Variants in PALLD observed in about 807,000 individuals in gnomAD.
PALLD encodes the protein palladin.
In PALLD, 61 loss-of-function variants were observed where a neutral mutation model predicts 123.5. That is an observed-to-expected ratio of 0.49 (90% confidence interval 0.40 to 0.61). The LOEUF (loss-of-function observed/expected upper bound fraction) is 0.61. Among genes scored for constraint, PALLD ranks in the 20% least tolerant of loss-of-function variants. The probability of loss-of-function intolerance (pLI) is 0.00; values close to 1 mark genes in which losing one functional copy is unlikely to be tolerated. For missense variants in PALLD, 1,273 were observed against 1,377.0 expected (o/e 0.92, Z 1.20); for synonymous variants, 465 against 496.4 (o/e 0.94, Z 0.84).
chr4:168,679,290 T>TATG (rs1781266360), intron 3 of PALLD, among the ~76,000 whole-genome samples: 3 of 44,630 alleles, frequency 6.7e-5, no homozygotes, highest in Non-Finnish European at 1.2e-4. Context: ...TGAGTATGGA[T>TATG]GTGTGTGGGG....
intron 14 of PALLD, among the ~76,000 whole-genome samples, chr4:168,900,084 G>A (rs530126266): frequency 1.2e-4 from 18 of 152,294 alleles, no homozygotes; most frequent in Non-Finnish European, 4.4e-5. Context: ...AGGAGCAACA[G>A]AGAGAAGTGG....
At chr4:168,558,148 C>T (rs193171244) in intron 2 of PALLD, among the ~76,000 whole-genome samples, 22 of 152,200 alleles carry the variant, frequency 1.4e-4, no homozygotes, top group African/African-American at 4.8e-4. Context: ...ACCTCTCACC[C>T]CTACGGGCTA....
At chr4:168,850,960 TGGG>T (rs1747686501) in intron 10 of PALLD, among the ~76,000 whole-genome samples, 2 of 152,308 alleles carry the variant, frequency 1.3e-5, no homozygotes, top group Non-Finnish European at 2.9e-5. Context: ...TGGCATTCCA[TGGG>T]CAGGCAAGAA....
At chr4:168,732,977 A>G (rs966541801) in intron 10 of PALLD, among the ~76,000 whole-genome samples, 11 of 152,226 alleles carry the variant, frequency 7.2e-5, no homozygotes, top group African/African-American at 2.4e-4. Flanking sequence ...GTGTGATAAT[A>G]CACGTAAGCT....
intron 8 of PALLD, among the ~76,000 whole-genome samples, chr4:168,703,103 C>T (rs1344737374): frequency 7.2e-6 from 1 of 139,176 alleles, no homozygotes; most frequent in African/African-American, 2.7e-5. Context: ...ATTCCCCTTC[C>T]TGTGTCCATG....
intron 2 of PALLD, among the ~76,000 whole-genome samples, chr4:168,583,553 A>T (rs903357329): frequency 6.6e-6 from 1 of 152,130 alleles, no homozygotes; most frequent in African/African-American, 2.4e-5. Flanking sequence ...ATCTTCATGC[A>T]CCAGACTTAT....
chr4:168,813,660 G>A (rs764977530), intron 10 of PALLD, among the ~76,000 whole-genome samples: 1 of 152,218 alleles, frequency 6.6e-6, no homozygotes, highest in Non-Finnish European at 1.5e-5. Context: ...GGGTCTCACT[G>A]TGTTGCCCAG....
chr4:168,502,329 A>G (rs193287349), intron 1 of PALLD, among the ~76,000 whole-genome samples: 1 of 152,180 alleles, frequency 6.6e-6, no homozygotes, highest in Non-Finnish European at 1.5e-5. Flanking sequence ...TCTAGTTCCA[A>G]ATTTTTTCAT....
intron 9 of PALLD, among the ~76,000 whole-genome samples, chr4:168,710,167 A>G (rs1430597846): frequency 1.3e-5 from 2 of 152,232 alleles, no homozygotes; most frequent in African/African-American, 4.8e-5. Context: ...AACTAATATG[A>G]AAAAGAAAGC....
intron 10 of PALLD, among the ~76,000 whole-genome samples, chr4:168,888,356 G>A (rs1021860407): frequency 1.1e-4 from 16 of 151,934 alleles, no homozygotes; most frequent in Non-Finnish European, 1.8e-4. Flanking sequence ...AAGGAGATTC[G>A]ATGCACAGGG....
In PALLD at chr4:168,691,310, GT is replaced by G. The variant is rs540578138; in HGVS notation, c.1501+29del. The G allele has an allele frequency of 0.035, 39,643 of 1,147,122 alleles. No individual in the cohort carries two copies. The highest frequency in any genetic ancestry group is 0.047 in the South Asian group (2,814 of 59,508). 71.1% of individuals were successfully genotyped at this position (1,147,122 alleles called of 1,614,324 possible). ...TGAACCTGGTAAGAATATTTTTAGGGTTTTTTTTTTTGGTGGTGGGGGAGCA... is the reference window on the plus strand; with the variant it reads ...TGAACCTGGTAAGAATATTTTTAGGGTTTTTTTTTTGGTGGTGGGGGAGCA... On this transcript the variant is annotated intron_variant, in intron 8 of 21. Transcript: ENST00000505667.
At chr4:168,712,024 T>G (rs1784882285) in intron 10 of PALLD, 101 bp downstream of exon 10, 1 of 989,938 alleles carries the variant, frequency 1.0e-6, no homozygotes. Context: ...ATGTGGCAAG[T>G]TGGCCTTGAC....
chr4:168,522,440 G>A lies in PALLD; in HGVS notation c.908+10028G>A, dbSNP rs1763649654. ...TCAAATAGTTGTTTTGAAAGAATTT[G>A]ACCCTGAAGTTTCAGATACCTTCAC... On this transcript the variant is annotated intron_variant, in intron 2 of 21. Coordinates refer to ENST00000505667, the MANE Select transcript of PALLD (RefSeq NM_001166108.2). Among the ~76,000 whole-genome samples the A allele has an allele frequency of 2.6e-5, 4 of 152,310 alleles. 1 individual carries two copies. In the South Asian group the frequency reaches 8.3e-4, roughly 32 times the overall value.
In PALLD at chr4:168,926,471, AACAT is replaced by A; in HGVS notation, c.*294_*297del. 1.1e-6 allele frequency: 1 copy of A among 916,706 alleles called. No homozygotes were observed. The highest frequency in any genetic ancestry group is 1.6e-6 in the Non-Finnish European group (1 of 615,250). The allele number at this position is 916,706 out of a possible 1,614,324, so 56.8% of individuals were successfully genotyped here. On this transcript the variant is annotated 3_prime_UTR_variant, in exon 22 of 22. Transcript: ENST00000505667. ...TTTGTCACATTATGTAAAAGGCAGA[AACAT>A]ACCTTTGACTATAAGAAATTAAAAA...
chr4:168,611,244 C>G (rs77681835), intron 2 of PALLD, among the ~76,000 whole-genome samples: 1 of 152,196 alleles, frequency 6.6e-6, no homozygotes, highest in Non-Finnish European at 1.5e-5. Context: ...CACAACTGCT[C>G]CTTCCTCTTT....
intron 2 of PALLD, among the ~76,000 whole-genome samples, chr4:168,625,240 A>G (rs1279611135): frequency 6.6e-6 from 1 of 152,052 alleles, no homozygotes; most frequent in Admixed American, 6.5e-5. Flanking sequence ...AGGAAATATA[A>G]TGTCCAGAAA....
At chr4:168,643,734 T>A (rs72699814) in intron 2 of PALLD, among the ~76,000 whole-genome samples, 8,647 of 152,252 alleles carry the variant, frequency 0.057, 364 homozygotes, top group Non-Finnish European at 0.086. Flanking sequence ...GTTCTACATT[T>A]TAGTTTCTCC....
At chr4:168,587,000 A>G (rs1280462552) in intron 2 of PALLD, among the ~76,000 whole-genome samples, 1 of 152,160 alleles carries the variant, frequency 6.6e-6, no homozygotes, top group Non-Finnish European at 1.5e-5. Flanking sequence ...CTCAGAAGAC[A>G]TTTGTCAATG....
At chr4:168,924,209 T>C (rs1188994865) in intron 18 of PALLD, 46 bp from the exon 19 acceptor site, 1 of 1,536,342 alleles carries the variant, frequency 6.5e-7, no homozygotes, top group East Asian at 2.2e-5. Context: ...TTTCTAGTGC[T>C]CCTTTTGTAT....
Sources: allele counts gnomAD v4.1 joint callset (sites outside exome capture counted in the v4.1 genomes callset), GRCh38; gene constraint gnomAD v4.1.1; transcripts MANE v1.5; gene names NCBI Gene and HGNC (gene_info 2026-07-23, HGNC 2026-07-21).